Variants in ZDHHC6 observed in about 807,000 individuals in gnomAD.
ZDHHC6 encodes palmitoyltransferase ZDHHC6.
In ZDHHC6, 32 loss-of-function variants were observed where a neutral mutation model predicts 57.8. The observed-to-expected ratio is 0.55, with a 90% CI of 0.42 to 0.74. The LOEUF (loss-of-function observed/expected upper bound fraction) is 0.74. Ranked by LOEUF, ZDHHC6 falls within the 30% of genes least tolerant of loss-of-function variation. The pLI is 0.00. For missense variants in ZDHHC6, 433 were observed against 500.7 expected (o/e 0.86, Z 1.29); for synonymous variants, 128 against 158.0 (o/e 0.81, Z 1.42).
chr10:112,434,264 A>T (rs1352829038), intron 7 of ZDHHC6, 33 bp downstream of exon 7: 3 of 1,510,474 alleles, frequency 2.0e-6, no homozygotes, highest in Non-Finnish European at 2.7e-6. Context: ...AGGCGAGGCA[A>T]AAAGGAAGGG....
chr10:112,443,893 T>C (rs1304827724), intron 2 of ZDHHC6, among the ~76,000 whole-genome samples: 4 of 152,088 alleles, frequency 2.6e-5, no homozygotes, highest in Non-Finnish European at 1.5e-5. Context: ...GATTCAGGAG[T>C]TCAGAAAAAG....
At chr10:112,437,485 T>C (rs1845651838) in intron 6 of ZDHHC6, among the ~76,000 whole-genome samples, 1 of 152,234 alleles carries the variant, frequency 6.6e-6, no homozygotes, top group Non-Finnish European at 1.5e-5. Flanking sequence ...ACTATTATCA[T>C]GTAAAAGGCC....
At chr10:112,427,317 C>A (rs144968365), downstream of ZDHHC6, 4 of 1,613,622 alleles carry the variant, frequency 2.5e-6, no homozygotes, top group African/African-American at 4.0e-5. Context: ...CAAATACTTT[C>A]GGACCCAAAT....
intron 6 of ZDHHC6, among the ~76,000 whole-genome samples, chr10:112,435,736 CAG>C (rs1185883010): frequency 6.6e-6 from 1 of 152,166 alleles, no homozygotes; most frequent in Non-Finnish European, 1.5e-5. Context: ...AACACAGCTT[CAG>C]AGTCTTCAAA....
chr10:112,433,246 G>T lies in ZDHHC6; in HGVS notation c.939C>A (p.Val313=). 1 of 1,589,958 alleles carries T rather than the reference G, an allele frequency of 6.3e-7. No individual in the cohort carries two copies. The highest frequency in any genetic ancestry group is 1.2e-5 in the South Asian group (1 of 85,954). Residue 313 remains valine, a synonymous_variant, in exon 8 of 11, where the codon GTC becomes GTA. Transcript: ENST00000369405. The part of the protein sequence containing the change: ...EQLKQKADKR[V]RSVRYKVIED... ...CTGCAAAAGAAGTACTTACACTTCT[G>T]ACTCTCTTATCTGCTTTTTGTTTCA...
At chr10:112,447,445 G>C, upstream of ZDHHC6, 1 of 1,613,634 alleles carries the variant, frequency 6.2e-7, no homozygotes, top group African/African-American at 1.3e-5. Flanking sequence ...GCAAGATTGC[G>C]AGGGTCCCAC....
chr10:112,436,658 T>C (rs1450412871), intron 6 of ZDHHC6, among the ~76,000 whole-genome samples: 1 of 152,228 alleles, frequency 6.6e-6, no homozygotes, highest in Non-Finnish European at 1.5e-5. Context: ...ATGTTATTTG[T>C]CTTTTTGTTG....
In ZDHHC6 at chr10:112,445,292, A is replaced by G. The variant is rs1469875782; in HGVS notation, c.145T>C (p.Leu49=). 1 of 1,614,230 alleles carries G rather than the reference A, an allele frequency of 6.2e-7. No individual in the cohort carries two copies. Among genetic ancestry groups the G allele is most frequent in the Admixed American group, 1.7e-5 (1 of 60,028 alleles). ...TTCACACTTCCTCCAGTTGTATGTA[A>G]GGGCCAATACCACAACACAGAGTCA... ...MIDSVLWYWP[L]HTTGGSVNFI... is the part of the protein sequence containing the mutation. Residue 49 remains leucine, a synonymous_variant, in exon 2 of 11, where the codon TTA becomes CTA. Transcript: ENST00000369405.
At chr10:112,434,181 CAT>C (rs1845298121) in intron 7 of ZDHHC6, 114 bp downstream of exon 7, 3 of 1,003,104 alleles carry the variant, frequency 3.0e-6, no homozygotes, top group Non-Finnish European at 2.8e-6. Context: ...TTCATTTTGA[CAT>C]AGTGAAAACA....
At chr10:112,447,285 G>A (rs1223000639), upstream of ZDHHC6, 5 of 1,428,170 alleles carry the variant, frequency 3.5e-6, no homozygotes, top group Non-Finnish European at 4.8e-6. Context: ...GCACCTTCCG[G>A]GGTTCCTAAG....
At position 112,432,275 on chromosome 10, in the gene ZDHHC6, T is replaced by C; in HGVS notation, c.1103A>G (p.Tyr368Cys). The C allele has an allele frequency of 6.2e-7, 1 of 1,608,726 alleles. No individual in the cohort carries two copies. Among genetic ancestry groups the C allele is most frequent in the Non-Finnish European group, 8.5e-7 (1 of 1,178,600 alleles). ...GGAATCATCAAGAATTTTGTCTCCA[T>C]ATAACCAGTATCTGAAATATTTAAA... ...LATRGLRYWL[Y>C]GDKILDDSFI... is the part of the protein sequence containing the mutation. The change falls in exon 10 of 11, where the codon TAT becomes TGT. Residue 368 changes from tyrosine to cysteine, a missense_variant. Physicochemically the swap from Tyr to Cys is radical, Grantham distance 194. Coordinates refer to ENST00000369405, the MANE Select transcript of ZDHHC6 (RefSeq NM_022494.3).
chr10:112,430,939 G>T lies in ZDHHC6; in HGVS notation c.1139-32C>A, dbSNP rs770278104. ...GAGAAAATGAAATTGAGGTGAAATA[G>T]TCTGATGGATGACAGTGACATTACT... On this transcript the variant is annotated intron_variant, in intron 10 of 10. Coordinates refer to ENST00000369405, the MANE Select transcript of ZDHHC6 (RefSeq NM_022494.3). The T allele has an allele frequency of 9.6e-6, 15 of 1,560,148 alleles. No homozygotes were observed. In the Admixed American group the frequency reaches 2.4e-4, roughly 25 times the overall value.
intron 10 of ZDHHC6, 81 bp downstream of exon 10, chr10:112,432,159 G>C (rs1474625135): frequency 2.2e-6 from 3 of 1,383,914 alleles, no homozygotes; most frequent in Non-Finnish European, 2.9e-6. Context: ...AGGCATGATT[G>C]GTTTATAAAA....
At chr10:112,425,167 C>G in exon 12 of ZDHHC6, 1 of 539,062 alleles carries the variant, frequency 1.9e-6, no homozygotes, top group Admixed American at 3.6e-5. Context: ...TCTTGCTGCA[C>G]GATGCTTCCC....
chr10:112,446,107 G>A (rs1318861079), intron 1 of ZDHHC6, among the ~76,000 whole-genome samples: 1 of 152,164 alleles, frequency 6.6e-6, no homozygotes, highest in Non-Finnish European at 1.5e-5. Flanking sequence ...ATTCTAAGCT[G>A]CCTCTTATGA....
At chr10:112,438,449 T>C in intron 5 of ZDHHC6, 60 bp from the exon 6 acceptor site, 1 of 1,210,148 alleles carries the variant, frequency 8.3e-7, no homozygotes. Context: ...AAGATTATCA[T>C]ATTCATAATT....
downstream of ZDHHC6, chr10:112,426,918 C>A: frequency 1.5e-6 from 2 of 1,366,756 alleles, no homozygotes; most frequent in Non-Finnish European, 1.0e-6. Flanking sequence ...TTTAAAGTTT[C>A]CATCTAATGA....
chr10:112,433,311 G>T (rs757422596), intron 7 of ZDHHC6, 30 bp from the exon 8 acceptor site: 1 of 1,479,788 alleles, frequency 6.8e-7, no homozygotes, highest in Non-Finnish European at 9.2e-7. Flanking sequence ...AGAAAAAAAT[G>T]AAGTCTCTTG....
At chr10:112,439,296 CAATG>C (rs1845841059) in intron 5 of ZDHHC6, among the ~76,000 whole-genome samples, 1 of 152,046 alleles carries the variant, frequency 6.6e-6, no homozygotes, top group African/African-American at 2.4e-5. Context: ...AGTAGGCCTT[CAATG>C]AATGAATGAA....
Sources: gnomAD v4.1 joint callset for allele counts (sites outside exome capture counted in the v4.1 genomes callset) on GRCh38, gnomAD v4.1.1 for gene constraint, MANE v1.5 for transcripts, NCBI Gene and HGNC (gene_info 2026-07-23, HGNC 2026-07-21) for gene names.